The following GLP2R variants were observed in gnomAD, a reference collection of about 807,000 sequenced individuals.
The protein encoded by GLP2R is glucagon like peptide 2 receptor, also known as glucagon-like peptide 2 receptor.
In GLP2R, 59 loss-of-function variants were observed where a neutral mutation model predicts 68.2. That is an observed-to-expected ratio of 0.87 (90% confidence interval 0.70 to 1.07). The LOEUF is 1.07. Ranked by LOEUF, GLP2R falls within the 50% of genes least tolerant of loss-of-function variation. GLP2R has a pLI of 0.00. For synonymous variants in GLP2R, 270 were observed against 265.4 expected (o/e 1.02, Z -0.17); for missense variants, 548 against 677.4 (o/e 0.81, Z 2.12).
chr17:9,872,716 C>T (rs1364882198), intron 10 of GLP2R, among the ~76,000 whole-genome samples: 24 of 152,184 alleles, frequency 1.6e-4, no homozygotes, highest in Admixed American at 1.6e-3. Flanking sequence ...CCTAGACTTG[C>T]CTACTGGCCT....
chr17:9,847,510 T>C (rs1172774502), intron 4 of GLP2R, among the ~76,000 whole-genome samples: 2 of 152,262 alleles, frequency 1.3e-5, no homozygotes, highest in Admixed American at 6.5e-5. Flanking sequence ...CCTCGTGATC[T>C]GTCCGCCTCA....
rs533188159 is a variant in GLP2R, at chr17:9,872,138, G to T, written c.1145+1303G>T. ...TCAGTCCACACAGGAAGGCAGAAGA[G>T]GTGGGCACGAGTGAAGATGGCCCTA... On this transcript the variant is annotated intron_variant, in intron 10 of 12. Transcript: ENST00000262441. Among the ~76,000 whole-genome samples, 301 of 152,376 alleles carry T rather than the reference G, an allele frequency of 2.0e-3. 3 individuals are homozygous for T. The highest frequency in any genetic ancestry group is 7.0e-3 in the African/African-American group (290 of 41,596).
At chr17:9,884,715 T>C (rs377689845) in intron 11 of GLP2R, among the ~76,000 whole-genome samples, 15 of 152,326 alleles carry the variant, frequency 9.8e-5, no homozygotes, top group African/African-American at 3.6e-4. Flanking sequence ...TTGAATTCTT[T>C]GTGGCTTTGA....
intron 4 of GLP2R, 77 bp downstream of exon 4, chr17:9,842,693 G>A: frequency 2.0e-6 from 3 of 1,495,916 alleles, no homozygotes. Context: ...TGGCCTGCTG[G>A]CTCCAGGGGC....
At chr17:9,847,119 G>C (rs552060339) in intron 4 of GLP2R, among the ~76,000 whole-genome samples, 1 of 152,198 alleles carries the variant, frequency 6.6e-6, no homozygotes, top group Non-Finnish European at 1.5e-5. Context: ...CGTTAGACAT[G>C]TTTCTCCTCA....
chr17:9,862,662 G>T (rs1457965329), intron 9 of GLP2R, among the ~76,000 whole-genome samples: 1 of 152,132 alleles, frequency 6.6e-6, no homozygotes, highest in African/African-American at 2.4e-5. Flanking sequence ...TAGATAATAG[G>T]GTGTGAGAAT....
At chr17:9,879,928 T>A (rs2067180462) in intron 10 of GLP2R, among the ~76,000 whole-genome samples, 1 of 152,204 alleles carries the variant, frequency 6.6e-6, no homozygotes, top group Admixed American at 6.5e-5. Context: ...GCAACTCATT[T>A]TCTCTCCCTT....
intron 2 of GLP2R, among the ~76,000 whole-genome samples, chr17:9,836,039 CAAAAAAAAAAA>C (rs10706067): frequency 1.1e-5 from 1 of 87,206 alleles, no homozygotes; most frequent in Non-Finnish European, 2.2e-5. Flanking sequence ...ACTCCATCTC[CAAAAAAAAAAA>C]AAAAAAAAAA....
At chr17:9,854,739 A>G in intron 5 of GLP2R, 138 bp downstream of exon 5, 1 of 656,174 alleles carries the variant, frequency 1.5e-6, no homozygotes, top group African/African-American at 1.8e-5. Flanking sequence ...CCAGGGATAG[A>G]ACCAACCCTA....
At chr17:9,885,120 A>G (rs1488008035) in intron 11 of GLP2R, among the ~76,000 whole-genome samples, 2 of 151,434 alleles carry the variant, frequency 1.3e-5, no homozygotes, top group Non-Finnish European at 2.9e-5. Context: ...AACCATGCCA[A>G]AACTTCATGG....
chr17:9,848,569 C>T (rs2066862167), intron 4 of GLP2R, among the ~76,000 whole-genome samples: 1 of 152,266 alleles, frequency 6.6e-6, no homozygotes, highest in Non-Finnish European at 1.5e-5. Flanking sequence ...GATTTGAAAA[C>T]TGCGCTTTCA....
At chr17:9,837,055 G>A (rs1362860207) in intron 3 of GLP2R, among the ~76,000 whole-genome samples, 3 of 151,802 alleles carry the variant, frequency 2.0e-5, no homozygotes, top group East Asian at 1.9e-4. Flanking sequence ...GGATTTCACT[G>A]TGTTAGCCAG....
chr17:9,826,902 C>T (rs375459698), intron 1 of GLP2R, among the ~76,000 whole-genome samples: 17 of 152,244 alleles, frequency 1.1e-4, no homozygotes, highest in African/African-American at 3.4e-4. Flanking sequence ...GATGGGGTCT[C>T]GCTCTGTCGC....
chr17:9,851,550 G>T (rs866578971), intron 4 of GLP2R, among the ~76,000 whole-genome samples: 3 of 152,162 alleles, frequency 2.0e-5, no homozygotes, highest in African/African-American at 7.2e-5. Context: ...CACAGTTGGA[G>T]ACTGACAAGA....
At chr17:9,830,064 G>A (rs2066666672) in intron 1 of GLP2R, among the ~76,000 whole-genome samples, 3 of 152,244 alleles carry the variant, frequency 2.0e-5, no homozygotes, top group African/African-American at 7.2e-5. Flanking sequence ...ATCTGGCTGT[G>A]ATTGAACTTG....
At chr17:9,837,044 G>A (rs771738875) in intron 3 of GLP2R, among the ~76,000 whole-genome samples, 1 of 151,522 alleles carries the variant, frequency 6.6e-6, no homozygotes, top group Non-Finnish European at 1.5e-5. Flanking sequence ...TAGTAGAGAC[G>A]GGATTTCACT....
At chr17:9,838,854 G>A (rs1306941812) in intron 3 of GLP2R, among the ~76,000 whole-genome samples, 2 of 152,224 alleles carry the variant, frequency 1.3e-5, no homozygotes, top group Non-Finnish European at 2.9e-5. Flanking sequence ...AGAGGAAGGA[G>A]CTTGGTAATA....
chr17:9,857,555 G>A lies in GLP2R; in HGVS notation c.744G>A (p.Gly248=), dbSNP rs760776316. 14 of 1,614,208 alleles carry A rather than the reference G, an allele frequency of 8.7e-6. No individual in the cohort carries two copies. In the South Asian group the frequency reaches 1.3e-4, roughly 15 times the overall value. Residue 248 remains glycine, a synonymous_variant, in exon 6 of 13, where the codon GGG becomes GGA. Coordinates refer to ENST00000262441, the MANE Select transcript of GLP2R (RefSeq NM_004246.3). ...SYSKRPDNEN[G]WMSYLSEMST... is the part of the protein sequence containing the mutation. ...CCAAGAGGCCTGACAATGAGAATGG[G>A]TGGATGTCCTACCTGTCAGAGGTAA... is the stretch of plus-strand genomic sequence containing the variant.
intron 3 of GLP2R, among the ~76,000 whole-genome samples, chr17:9,841,007 T>C (rs545012647): frequency 1.4e-3 from 197 of 139,106 alleles, no homozygotes; most frequent in African/African-American, 4.7e-3. Flanking sequence ...AAGCATGACA[T>C]GGTGTGGCTA....
Sources: gnomAD v4.1 joint callset for allele counts (sites outside exome capture counted in the v4.1 genomes callset) on GRCh38, gnomAD v4.1.1 for gene constraint, MANE v1.5 for transcripts, NCBI Gene and HGNC (gene_info 2026-07-23, HGNC 2026-07-21) for gene names.